The following TRIM42 variants were observed in gnomAD, a reference collection of about 807,000 sequenced individuals.
TRIM42 encodes tripartite motif containing 42, also known as tripartite motif-containing protein 42.
In TRIM42, 59 loss-of-function variants were observed where a neutral mutation model predicts 64.9. The ratio of observed to expected loss-of-function variants is 0.91; its 90% CI spans 0.74 to 1.13. The LOEUF (loss-of-function observed/expected upper bound fraction) is 1.13, where lower values mean the gene tolerates loss of function less well. Ranked by LOEUF, TRIM42 falls within the 50% of genes most tolerant of loss-of-function variation. The probability of loss-of-function intolerance (pLI) is 0.00; values close to 1 mark genes in which losing one functional copy is unlikely to be tolerated. For synonymous variants in TRIM42, 354 were observed against 346.3 expected, an observed-to-expected ratio of 1.02 and a Z score of -0.25; for missense variants, 878 against 929.5, an observed-to-expected ratio of 0.94 and a Z score of 0.72.
Position 140,700,909 on chromosome 3 carries a change from G to A in TRIM42, c.2107G>A (p.Gly703Arg). ...GCAGGTGGTAACACCAGATGGACAT[G>A]GGAAGAACCGAGCTAAGTGGGGCCT... Reference protein sequence around the residue: ...ICKVVTPDGHGKNRAKWGLLK... With the variant: ...ICKVVTPDGHRKNRAKWGLLK... The change falls in exon 5 of 5, where the codon GGG (glycine) becomes AGG (arginine). Residue 703 changes from glycine to arginine, a missense_variant. By Grantham distance (125) the Gly-to-Arg change is moderately radical. Transcript: ENST00000286349. 6.2e-7 allele frequency: 1 copy of A among 1,614,100 alleles called. No individual in the cohort carries two copies. Among genetic ancestry groups the A allele is most frequent in the South Asian group, 1.1e-5 (1 of 91,076 alleles).
chr3:140,681,931 G>A (rs1343976497), intron 1 of TRIM42, among the ~76,000 whole-genome samples: 3 of 150,962 alleles, frequency 2.0e-5, no homozygotes, highest in African/African-American at 2.4e-5. Context: ...GTCAGGGGCC[G>A]TTGGATCATT....
chr3:140,680,793 G>GAATGCTCCCTGTGTATATTA, intron 1 of TRIM42: 1 of 704,684 alleles, frequency 1.4e-6, no homozygotes, highest in Non-Finnish European at 1.7e-6. Context: ...TATACACAGG[G>GAATGCTCCCTGTGTATATTA]AGCATTCTCT....
In TRIM42 at chr3:140,692,907, C is replaced by T. The variant is rs372290360; in HGVS notation, c.2085+1715C>T. On this transcript the variant is annotated intron_variant, in intron 4 of 4. Transcript: ENST00000286349. ...TTATTTTCAGATGCCAGGGAAAGAA[C>T]GGGTGGAGATACCAAAGTATGTCAT... 5.9e-5 allele frequency among the ~76,000 whole-genome samples: 9 copies of T among 152,282 alleles called. No individual in the cohort carries two copies. The East Asian group carries it at 9.6e-4, about 16-fold the overall frequency.
At position 140,682,942 on chromosome 3, in the gene TRIM42, C is replaced by A; in HGVS notation, c.822C>A (p.Asp274Glu). ...KAFHSDVAMQ[D>E]HVFVDTSAEE... ...TCCACTCGGATGTGGCCATGCAAGA[C>A]CACGTCTTTGTGGACACCAGCGCCG... The change falls in exon 2 of 5, where the codon GAC (aspartate) becomes GAA (glutamate). Residue 274 changes from aspartate (D) to glutamate (E), a missense_variant. Physicochemically the swap from Asp to Glu is conservative, Grantham distance 45 (BLOSUM62 2). Coordinates refer to ENST00000286349, the MANE Select transcript of TRIM42 (RefSeq NM_152616.5). The A allele has an allele frequency of 6.2e-7, 1 of 1,614,254 alleles. No individual in the cohort carries two copies. Among genetic ancestry groups the A allele is most frequent in the South Asian group, 1.1e-5 (1 of 91,088 alleles).
chr3:140,694,664 A>G (rs993495156), intron 4 of TRIM42, among the ~76,000 whole-genome samples: 4 of 152,216 alleles, frequency 2.6e-5, no homozygotes, highest in Non-Finnish European at 5.9e-5. Flanking sequence ...ATTTCCTTAC[A>G]ATTCTGAAGA....
At chr3:140,694,106 A>G (rs1988790583) in intron 4 of TRIM42, among the ~76,000 whole-genome samples, 2 of 152,242 alleles carry the variant, frequency 1.3e-5, no homozygotes, top group Admixed American at 1.3e-4. Flanking sequence ...CTCAAATGGA[A>G]CTAAGTCTGG....
intron 4 of TRIM42, among the ~76,000 whole-genome samples, chr3:140,699,433 G>A (rs1194698375): frequency 6.6e-6 from 1 of 152,084 alleles, no homozygotes; most frequent in Non-Finnish European, 1.5e-5. Context: ...ATGAGCCTGG[G>A]GCATTTGGGG....
intron 1 of TRIM42, chr3:140,680,742 G>T (rs1285090477): frequency 1.0e-6 from 1 of 983,944 alleles, no homozygotes; most frequent in East Asian, 1.1e-4. Flanking sequence ...CATGCCTAGA[G>T]CTCCCAGATC....
At chr3:140,694,224 G>A (rs892683304) in intron 4 of TRIM42, among the ~76,000 whole-genome samples, 23 of 152,332 alleles carry the variant, frequency 1.5e-4, no homozygotes, top group African/African-American at 5.3e-4. Flanking sequence ...TCAAGATTAC[G>A]CATTGAAAAG....
At chr3:140,680,104 GAT>G (rs552176134) in intron 1 of TRIM42, among the ~76,000 whole-genome samples, 4 of 152,090 alleles carry the variant, frequency 2.6e-5, no homozygotes, top group Non-Finnish European at 5.9e-5. Context: ...GCAGAGACAG[GAT>G]ATCTCAGCAA....
intron 1 of TRIM42, among the ~76,000 whole-genome samples, chr3:140,681,975 A>C (rs1271477074): frequency 6.6e-6 from 1 of 151,828 alleles, no homozygotes; most frequent in African/African-American, 2.4e-5. Flanking sequence ...GTCGGAGTCC[A>C]AACATTATTA....
intron 3 of TRIM42, among the ~76,000 whole-genome samples, chr3:140,689,119 G>T (rs774470500): frequency 6.6e-6 from 1 of 152,214 alleles, no homozygotes; most frequent in African/African-American, 2.4e-5. Context: ...CTCTGTAAGT[G>T]CCATTGCCTG....
rs766222353 is a variant in TRIM42, at chr3:140,683,017, C to A, written c.897C>A (p.Ile299=). ...TCCACCACCCATCCAGCCGCATCAT[C>A]GAGTACTGCCGCAATGACAACAAAT... is the stretch of plus-strand genomic sequence containing the variant. ...ICIHHPSSRI[I]EYCRNDNKLL... Residue 299 remains isoleucine (I), a synonymous_variant, in exon 2 of 5, where the codon ATC becomes ATA. Transcript: ENST00000286349. 6.2e-7 allele frequency: 1 copy of A among 1,614,252 alleles called. No homozygotes were observed. The highest frequency in any genetic ancestry group is 8.5e-7 in the Non-Finnish European group (1 of 1,180,040).
chr3:140,699,962 C>T (rs1331311190), intron 4 of TRIM42, among the ~76,000 whole-genome samples: 3 of 152,178 alleles, frequency 2.0e-5, no homozygotes, highest in African/African-American at 7.2e-5. Flanking sequence ...TACATAGAGA[C>T]TTTGTGCCCT....
Position 140,688,383 on chromosome 3 carries a change from C to T in TRIM42, c.1701C>T (p.Pro567=), listed in dbSNP as rs1159096710. Residue 567 remains proline, a synonymous_variant, in exon 3 of 5, where the codon CCC becomes CCT. Coordinates refer to ENST00000286349, the MANE Select transcript of TRIM42 (RefSeq NM_152616.5). The part of the protein sequence containing the change: ...GRAQSATPAK[P]TDGLYTYWSA... The stretch of plus-strand genomic sequence containing the variant: ...CCCAGTCAGCCACCCCCGCCAAACC[C>T]ACAGACGGCCTCTACACCTACTGGA... The T allele has an allele frequency of 6.2e-7, 1 of 1,614,188 alleles. No individual in the cohort carries two copies. The highest frequency in any genetic ancestry group is 8.5e-7 in the Non-Finnish European group (1 of 1,180,028).
intron 4 of TRIM42, among the ~76,000 whole-genome samples, chr3:140,697,396 T>A (rs530064627): frequency 6.6e-6 from 1 of 152,348 alleles, no homozygotes; most frequent in African/African-American, 2.4e-5. Context: ...TTTGAAGTTT[T>A]ATTTAAAAAG....
intron 1 of TRIM42, chr3:140,680,812 AG>A (rs1175307856): frequency 2.1e-6 from 1 of 477,884 alleles, no homozygotes; most frequent in Non-Finnish European, 2.7e-6. Context: ...CTGTCACCAC[AG>A]GGCCACTCCA....
chr3:140,688,522 G>T lies in TRIM42; in HGVS notation c.1840G>T (p.Val614Leu), dbSNP rs746425660. The change falls in exon 3 of 5, where the codon GTG becomes TTG. Residue 614 changes from valine to leucine, a missense_variant. Val to Leu is a conservative substitution (Grantham distance 32). Transcript: ENST00000286349. ...PGPIVIYQTL[V>L]YPRAAKVYWT... ...CCCAATTGTTATCTACCAGACTCTG[G>T]TGTACCCAAGAGCTGCCAAGGTAAG... is the stretch of plus-strand genomic sequence containing the variant. The T allele has an allele frequency of 1.2e-6, 2 of 1,611,434 alleles. No individual in the cohort carries two copies. The highest frequency in any genetic ancestry group is 1.3e-5 in the African/African-American group (1 of 74,892).
chr3:140,697,467 G>A (rs960504400), intron 4 of TRIM42, among the ~76,000 whole-genome samples: 3 of 152,036 alleles, frequency 2.0e-5, no homozygotes, highest in Admixed American at 1.3e-4. Flanking sequence ...TAAATTTACA[G>A]TTTCACCTTT....
Sources: gnomAD v4.1 joint callset for allele counts (sites outside exome capture counted in the v4.1 genomes callset) on GRCh38, gnomAD v4.1.1 for gene constraint, MANE v1.5 for transcripts, NCBI Gene and HGNC (gene_info 2026-07-23, HGNC 2026-07-21) for gene names.